Variants in DOCK3 observed in about 807,000 individuals in gnomAD.
DOCK3 encodes the protein dedicator of cytokinesis 3, also known as dedicator of cytokinesis protein 3.
DOCK3 carries 60 observed loss-of-function variants against 265.6 expected under a neutral mutation model. The ratio of observed to expected loss-of-function variants is 0.23; its 90% CI spans 0.18 to 0.28. DOCK3 has a LOEUF of 0.28. DOCK3 is among the 10% of genes least tolerant of loss of function. DOCK3 has a pLI of 1.00. For missense variants in DOCK3, 1,981 were observed against 2,594.3 expected (o/e 0.76, Z 5.14); for synonymous variants, 881 against 938.0 (o/e 0.94, Z 1.11).
chr3:51,058,864 T>C (rs2081295476), intron 5 of DOCK3, among the ~76,000 whole-genome samples: 2 of 152,104 alleles, frequency 1.3e-5, no homozygotes, highest in African/African-American at 4.8e-5. Context: ...AATAGGAAAT[T>C]TGGCTGTGGG....
intron 4 of DOCK3, among the ~76,000 whole-genome samples, chr3:50,919,360 T>C (rs138360806): frequency 0.094 from 14,366 of 152,212 alleles, 843 homozygotes; most frequent in Non-Finnish European, 0.12. Context: ...TGGCCATTTT[T>C]ACGATATGAT....
At chr3:51,184,316 C>CAAAAAAAAAA (rs34084936) in intron 12 of DOCK3, among the ~76,000 whole-genome samples, 2 of 137,960 alleles carry the variant, frequency 1.4e-5, no homozygotes, top group Admixed American at 7.5e-5. Context: ...TGCTTTGAAA[C>CAAAAAAAAAA]AAAAAAAAAA....
rs180763212 is a variant in DOCK3 at position 51,363,626 on chromosome 3, T to A, written c.5293+952T>A. Among the ~76,000 whole-genome samples, 34 of 152,322 alleles carry A rather than the reference T, an allele frequency of 2.2e-4. No individual in the cohort carries two copies. The East Asian group carries it at 5.8e-3, about 26-fold the overall frequency. On this transcript the variant is annotated intron_variant, in intron 49 of 52. Coordinates refer to ENST00000266037, the MANE Select transcript of DOCK3 (RefSeq NM_004947.5). ...ACATTAGGTATATCTCCTAATGCTA[T>A]CCCTCCCCACTTCCCCCACCTGACA... is the stretch of plus-strand genomic sequence containing the variant.
chr3:50,974,890 C>G (rs758863336), intron 5 of DOCK3, among the ~76,000 whole-genome samples: 6 of 119,396 alleles, frequency 5.0e-5, no homozygotes, highest in Admixed American at 2.5e-4. Context: ...GTATTTTATT[C>G]TCTTTGAAGC....
At chr3:51,313,972 T>A (rs1056097171) in intron 31 of DOCK3, among the ~76,000 whole-genome samples, 2 of 152,218 alleles carry the variant, frequency 1.3e-5, no homozygotes, top group African/African-American at 4.8e-5. Flanking sequence ...AGAATTTTTT[T>A]TAATACCAGA....
At chr3:50,996,801 ATC>A (rs2078303835) in intron 5 of DOCK3, among the ~76,000 whole-genome samples, 1 of 152,238 alleles carries the variant, frequency 6.6e-6, no homozygotes, top group African/African-American at 2.4e-5. Context: ...GAATCATTGT[ATC>A]TCTTCAGTGG....
At position 50,934,017 on chromosome 3, in the gene DOCK3, T is replaced by C; in HGVS notation, c.255T>C (p.Ile85=). 1 of 1,610,536 alleles carries C rather than the reference T, an allele frequency of 6.2e-7. No individual in the cohort carries two copies. Among genetic ancestry groups the C allele is most frequent in the Non-Finnish European group, 8.5e-7 (1 of 1,178,032 alleles). The part of the protein sequence containing the change: ...YETVVPLEDS[I]VTEVTATLQE... Reference sequence around the variant, plus strand: ...CTGTGGTTCCACTTGAAGATTCTATTGTGACTGAGGTTACAGCAACTCTAC... The same window carrying C: ...CTGTGGTTCCACTTGAAGATTCTATCGTGACTGAGGTTACAGCAACTCTAC... The change falls in exon 5 of 53, where the codon ATT becomes ATC. Residue 85 remains isoleucine, a synonymous_variant. Transcript: ENST00000266037.
chr3:51,164,737 A>C (rs1235573144), intron 12 of DOCK3, among the ~76,000 whole-genome samples: 1 of 152,136 alleles, frequency 6.6e-6, no homozygotes, highest in Non-Finnish European at 1.5e-5. Context: ...AAAAATTAAA[A>C]ATGTAAAGAA....
At chr3:50,725,392 C>G (rs1013824037) in intron 1 of DOCK3, among the ~76,000 whole-genome samples, 1 of 152,068 alleles carries the variant, frequency 6.6e-6, no homozygotes, top group Non-Finnish European at 1.5e-5. Context: ...GTAAAAGAGA[C>G]AAGTGAAATT....
intron 5 of DOCK3, among the ~76,000 whole-genome samples, chr3:50,937,455 C>A (rs2051440201): frequency 6.6e-6 from 1 of 151,958 alleles, no homozygotes; most frequent in African/African-American, 2.4e-5. Flanking sequence ...GAGATTGAGA[C>A]CATCCTAGCT....
intron 9 of DOCK3, among the ~76,000 whole-genome samples, chr3:51,102,241 T>C (rs1448479972): frequency 1.3e-5 from 2 of 152,244 alleles, no homozygotes; most frequent in Non-Finnish European, 2.9e-5. Context: ...TCTCTACTTT[T>C]ACATTTACAA....
chr3:51,034,100 T>C (rs982660616), intron 5 of DOCK3, among the ~76,000 whole-genome samples: 1 of 152,148 alleles, frequency 6.6e-6, no homozygotes, highest in Non-Finnish European at 1.5e-5. Flanking sequence ...TGTGAATTTA[T>C]TTTGGTGCAA....
intron 2 of DOCK3, among the ~76,000 whole-genome samples, chr3:50,781,454 G>A (rs1196725580): frequency 6.6e-6 from 1 of 151,836 alleles, no homozygotes; most frequent in Non-Finnish European, 1.5e-5. Context: ...TTTTTTGGTA[G>A]AGATGGGGTT....
At chr3:50,881,154 A>T (rs1406156088) in intron 3 of DOCK3, 1 of 152,196 alleles carries the variant, frequency 6.6e-6, no homozygotes, top group Non-Finnish European at 1.5e-5. Flanking sequence ...ATTTATGACA[A>T]ACCCACAGCC....
rs780120431 is a variant in DOCK3, at chr3:51,330,148, A to G, written c.3413A>G (p.Glu1138Gly). 1.2e-6 allele frequency: 2 copies of G among 1,603,540 alleles called. No individual in the cohort carries two copies. The highest frequency in any genetic ancestry group is 2.3e-5 in the South Asian group (2 of 88,556). The change falls in exon 33 of 53, where the codon GAG (glutamate) becomes GGG (glycine). Residue 1138 changes from glutamate to glycine, a missense_variant. Physicochemically the swap from Glu to Gly is moderately conservative, Grantham distance 98 (BLOSUM62 -2). Coordinates refer to ENST00000266037, the MANE Select transcript of DOCK3 (RefSeq NM_004947.5). ...KNGNFKQVEA[E>G]LIDKLDSMVS... The stretch of plus-strand genomic sequence containing the variant: ...TCTGCTTCCTTCTAGGTGGAGGCCG[A>G]GTTGATTGACAAGCTGGACAGCATG...
intron 5 of DOCK3, among the ~76,000 whole-genome samples, chr3:51,006,971 G>C (rs1482127346): frequency 6.6e-6 from 1 of 152,156 alleles, no homozygotes; most frequent in African/African-American, 2.4e-5. Context: ...TTTTATGGCT[G>C]TGTAGTATTC....
chr3:51,010,979 C>T (rs898855680), intron 5 of DOCK3, among the ~76,000 whole-genome samples: 12 of 152,040 alleles, frequency 7.9e-5, no homozygotes, highest in East Asian at 1.9e-4. Flanking sequence ...GGGTTTCTGC[C>T]GAGAGATCCA....
intron 1 of DOCK3, among the ~76,000 whole-genome samples, chr3:50,684,521 C>T (rs1466497563): frequency 1.3e-5 from 2 of 152,186 alleles, no homozygotes; most frequent in African/African-American, 2.4e-5. Context: ...AGGCTTAGTG[C>T]CTGTGGCTAA....
intron 12 of DOCK3, among the ~76,000 whole-genome samples, chr3:51,176,064 G>A (rs2086931895): frequency 6.6e-6 from 1 of 152,176 alleles, no homozygotes; most frequent in African/African-American, 2.4e-5. Flanking sequence ...TGTAGCCTCA[G>A]TACACAATTG....
Sources: gnomAD v4.1 joint callset for allele counts (sites outside exome capture counted in the v4.1 genomes callset) on GRCh38, gnomAD v4.1.1 for gene constraint, MANE v1.5 for transcripts, NCBI Gene and HGNC (gene_info 2026-07-23, HGNC 2026-07-21) for gene names.